Variants in CNTNAP2 observed in about 807,000 individuals in gnomAD.
CNTNAP2 encodes the protein contactin-associated protein-like 2.
CNTNAP2 carries 98 observed loss-of-function variants against 155.2 expected under a neutral mutation model. The observed-to-expected ratio is 0.63, with a 90% CI of 0.54 to 0.75. CNTNAP2 has a LOEUF of 0.75. Among genes scored for constraint, CNTNAP2 ranks in the 30% least tolerant of loss-of-function variants. The probability of loss-of-function intolerance (pLI) is 0.00; values close to 1 mark genes in which losing one functional copy is unlikely to be tolerated. For synonymous variants in CNTNAP2, 651 were observed against 631.2 expected (o/e 1.03, Z -0.47); for missense variants, 1,727 against 1,688.1 (o/e 1.02, Z -0.40).
chr7:146,552,912 G>A (rs568813671), intron 1 of CNTNAP2, among the ~76,000 whole-genome samples: 1 of 152,098 alleles, frequency 6.6e-6, no homozygotes, highest in South Asian at 2.1e-4. Context: ...TCATTCCAAA[G>A]GCCACTTTCC....
intron 1 of CNTNAP2, among the ~76,000 whole-genome samples, chr7:146,126,313 C>T (rs1584761493): frequency 6.6e-6 from 1 of 151,996 alleles, no homozygotes; most frequent in East Asian, 1.9e-4. Context: ...TTTACTTATT[C>T]CTTGATGACA....
chr7:146,348,663 T>C (rs1200637972), intron 1 of CNTNAP2, among the ~76,000 whole-genome samples: 2 of 151,994 alleles, frequency 1.3e-5, no homozygotes, highest in Non-Finnish European at 2.9e-5. Context: ...GAATAACAAG[T>C]TTGTTTTCAC....
intron 1 of CNTNAP2, among the ~76,000 whole-genome samples, chr7:146,556,404 A>C (rs999936771): frequency 6.6e-6 from 1 of 152,172 alleles, no homozygotes; most frequent in African/African-American, 2.4e-5. Flanking sequence ...GGGGAAAATA[A>C]TATTTACCTC....
At chr7:146,693,400 C>A (rs1800730359) in intron 1 of CNTNAP2, among the ~76,000 whole-genome samples, 1 of 151,520 alleles carries the variant, frequency 6.6e-6, no homozygotes, top group African/African-American at 2.4e-5. Flanking sequence ...ACTCCATTAA[C>A]TTTGTTTCTT....
At chr7:147,003,555 T>TA (rs1029859254) in intron 3 of CNTNAP2, among the ~76,000 whole-genome samples, 2 of 151,938 alleles carry the variant, frequency 1.3e-5, no homozygotes, top group African/African-American at 4.8e-5. Flanking sequence ...AAATCTCAAC[T>TA]AAAATCAGTC....
At chr7:147,407,495 A>G (rs1173129005) in intron 10 of CNTNAP2, among the ~76,000 whole-genome samples, 9 of 142,866 alleles carry the variant, frequency 6.3e-5, no homozygotes, top group East Asian at 2.0e-4. Flanking sequence ...AAAAAAAAAA[A>G]AAAAAAAAAG....
At chr7:147,513,306 T>A (rs368865721) in intron 11 of CNTNAP2, among the ~76,000 whole-genome samples, 1 of 152,176 alleles carries the variant, frequency 6.6e-6, no homozygotes, top group Non-Finnish European at 1.5e-5. Context: ...GAATGGATTA[T>A]AATCTTCTTA....
intron 12 of CNTNAP2, among the ~76,000 whole-genome samples, chr7:147,569,033 C>A (rs1800231660): frequency 6.6e-6 from 1 of 152,180 alleles, no homozygotes; most frequent in African/African-American, 2.4e-5. Flanking sequence ...AAGTACTCCT[C>A]TTGCATTCTT....
intron 14 of CNTNAP2, among the ~76,000 whole-genome samples, chr7:147,931,906 G>T (rs1800511608): frequency 6.6e-6 from 1 of 151,210 alleles, no homozygotes; most frequent in South Asian, 2.1e-4. Context: ...TTTATTTTGA[G>T]ACAGGGTCTC....
At chr7:146,199,451 A>T (rs1206685712) in intron 1 of CNTNAP2, among the ~76,000 whole-genome samples, 1 of 152,186 alleles carries the variant, frequency 6.6e-6, no homozygotes, top group Non-Finnish European at 1.5e-5. Flanking sequence ...GGAAGGAATA[A>T]GAAGGAAAGA....
chr7:146,263,210 T>C (rs1799945423), intron 1 of CNTNAP2, among the ~76,000 whole-genome samples: 1 of 149,636 alleles, frequency 6.7e-6, no homozygotes, highest in African/African-American at 2.5e-5. Context: ...TCCCAGCTAA[T>C]TGAGAGGCTG....
intron 12 of CNTNAP2, among the ~76,000 whole-genome samples, chr7:147,575,546 T>C (rs1418071793): frequency 1.3e-5 from 2 of 151,562 alleles, no homozygotes; most frequent in East Asian, 3.9e-4. Context: ...TATGTGTGTG[T>C]GAATTCCCTA....
chr7:146,850,376 AT>A, intron 3 of CNTNAP2, among the ~76,000 whole-genome samples: 1 of 152,336 alleles, frequency 6.6e-6, no homozygotes, highest in African/African-American at 2.4e-5. Flanking sequence ...TGATATTAAT[AT>A]GCAGCTTGGA....
intron 13 of CNTNAP2, among the ~76,000 whole-genome samples, chr7:147,668,799 T>C (rs1302780574): frequency 1.3e-5 from 2 of 152,064 alleles, no homozygotes; most frequent in African/African-American, 2.4e-5. Context: ...AAAAGTTTTC[T>C]ATATATTTAG....
At chr7:147,026,125 G>T (rs758845263) in intron 3 of CNTNAP2, among the ~76,000 whole-genome samples, 1 of 152,090 alleles carries the variant, frequency 6.6e-6, no homozygotes, top group Non-Finnish European at 1.5e-5. Context: ...ATCCCAAAGT[G>T]CTGGGTGCCA....
intron 18 of CNTNAP2, among the ~76,000 whole-genome samples, chr7:148,204,658 A>T (rs1795418044): frequency 6.6e-6 from 1 of 152,176 alleles, no homozygotes. Flanking sequence ...TTGTGTTTTT[A>T]TGTTTGTGAG....
intron 3 of CNTNAP2, among the ~76,000 whole-genome samples, chr7:146,991,301 A>T (rs1293145147): frequency 6.6e-6 from 1 of 152,158 alleles, no homozygotes; most frequent in Non-Finnish European, 1.5e-5. Flanking sequence ...AAATCAGTTC[A>T]TAATGTAGCT....
chr7:147,345,471 C>T (rs1027353035), intron 9 of CNTNAP2, among the ~76,000 whole-genome samples: 3 of 152,114 alleles, frequency 2.0e-5, no homozygotes, highest in Admixed American at 2.0e-4. Flanking sequence ...TATATGTCTT[C>T]GCATTTGTAG....
chr7:146,848,613 T>C (rs1225530442), intron 3 of CNTNAP2, among the ~76,000 whole-genome samples: 1 of 152,122 alleles, frequency 6.6e-6, no homozygotes, highest in Non-Finnish European at 1.5e-5. Context: ...CTACCTACTA[T>C]TGGCTAAATA....
Sources: gnomAD v4.1 joint callset for allele counts (sites outside exome capture counted in the v4.1 genomes callset) on GRCh38, gnomAD v4.1.1 for gene constraint, MANE v1.5 for transcripts, NCBI Gene and HGNC (gene_info 2026-07-23, HGNC 2026-07-21) for gene names.